Variants in H2BC4 observed in about 807,000 individuals in gnomAD.
H2BC4 encodes histone H2B type 1-C/E/F/G/I.
H2BC4 carries 10 observed loss-of-function variants against 6.2 expected under a neutral mutation model. The observed-to-expected ratio is 1.61, with a 90% CI of 0.99 to 2.73. The LOEUF (loss-of-function observed/expected upper bound fraction) is 2.73. Among genes scored for constraint, H2BC4 ranks in the 30% most tolerant of loss-of-function variants. H2BC4 has a pLI of 0.00. For missense variants in H2BC4, 176 were observed against 168.7 expected (o/e 1.04, Z -0.24); for synonymous variants, 146 against 70.7 (o/e 2.07, Z -5.35).
rs1272699382 is a variant in H2BC4 at position 26,123,887 on chromosome 6, C to G, written c.18G>C (p.Lys6Asn). MPEPA[K>N]SAPAPKKGSK... ...AGCCCTTCTTCGGGGCGGGAGCAGA[C>G]TTGGCTGGCTCAGGCATCTTAAAAC... The change falls in exon 1 of 1, where the codon AAG becomes AAC. Residue 6 changes from lysine to asparagine, a missense_variant. By Grantham distance (94) the Lys-to-Asn change is moderately conservative (BLOSUM62 0). Transcript: ENST00000396984. 1 of 1,613,950 alleles carries G rather than the reference C, an allele frequency of 6.2e-7. No individual in the cohort carries two copies. The highest frequency in any genetic ancestry group is 8.5e-7 in the Non-Finnish European group (1 of 1,180,012).
At chr6:26,115,773 C>T (rs1049883404) in intron 1 of H2BC4, among the ~76,000 whole-genome samples, 2 of 152,096 alleles carry the variant, frequency 1.3e-5, no homozygotes, top group Admixed American at 6.5e-5. Context: ...TTTAAACATG[C>T]AATTTTATTT....
intron 1 of H2BC4, among the ~76,000 whole-genome samples, chr6:26,116,783 T>C (rs1330730091): frequency 2.0e-5 from 3 of 152,166 alleles, no homozygotes; most frequent in Non-Finnish European, 2.9e-5. Context: ...TTCTTAATTA[T>C]AATGAACTCA....
chr6:26,122,532 G>C (rs568794690), downstream of H2BC4, among the ~76,000 whole-genome samples: 3 of 152,294 alleles, frequency 2.0e-5, no homozygotes, highest in African/African-American at 7.2e-5. Flanking sequence ...CAGTTGTCTA[G>C]GAAGGGAGAG....
At chr6:26,123,225 G>A (rs1763532055), downstream of H2BC4, 1 of 452,200 alleles carries the variant, frequency 2.2e-6, no homozygotes, top group East Asian at 4.4e-5. Context: ...ACCTAAGCGA[G>A]CCTGCGGTTT....
At chr6:26,113,829 T>C (rs1763387949), downstream of H2BC4, among the ~76,000 whole-genome samples, 1 of 151,858 alleles carries the variant, frequency 6.6e-6, no homozygotes, top group Non-Finnish European at 1.5e-5. Context: ...ACATAGCCTT[T>C]CCTCAGTATA....
At chr6:26,121,953 T>G (rs1763502033), downstream of H2BC4, among the ~76,000 whole-genome samples, 1 of 150,158 alleles carries the variant, frequency 6.7e-6, no homozygotes, top group African/African-American at 2.5e-5. Flanking sequence ...CTCCGGAGGC[T>G]GAGGCAGGAG....
downstream of H2BC4, among the ~76,000 whole-genome samples, chr6:26,114,579 C>G (rs1336352083): frequency 6.6e-6 from 1 of 151,832 alleles, no homozygotes; most frequent in African/African-American, 2.4e-5. Context: ...TTAGTATTTC[C>G]ACTTCATGAA....
chr6:26,123,848 C>A lies in H2BC4; in HGVS notation c.57G>T (p.Val19=), dbSNP rs757930563. 3 of 1,614,246 alleles carry A rather than the reference C, an allele frequency of 1.9e-6. No homozygotes were observed. Among genetic ancestry groups the A allele is most frequent in the African/African-American group, 1.3e-5 (1 of 75,062 alleles). ...PAPKKGSKKA[V]TKAQKKDGKK... ...TGCCATCTTTCTTCTGCGCTTTGGT[C>A]ACTGCCTTCTTGGAGCCCTTCTTCG... Residue 19 remains valine, a synonymous_variant, in exon 1 of 1, where the codon GTG becomes GTT. Coordinates refer to ENST00000396984, the MANE Select transcript of H2BC4 (RefSeq NM_003526.3).
chr6:26,123,674 C>T lies in H2BC4; in HGVS notation c.231G>A (p.Glu77=), dbSNP rs1309104223. 3 of 1,614,284 alleles carry T rather than the reference C, an allele frequency of 1.9e-6. No homozygotes were observed. In the East Asian group the frequency reaches 6.7e-5, roughly 36 times the overall value. The change falls in exon 1 of 1, where the codon GAG becomes GAA. Residue 77 remains glutamate, a synonymous_variant. Coordinates refer to ENST00000396984, the MANE Select transcript of H2BC4 (RefSeq NM_003526.3). The stretch of plus-strand genomic sequence containing the variant: ...TGTTGTAATGCGCCAGGCGGGAAGC[C>T]TCGCCCGCGATGCGCTCAAATATGT... ...VNDIFERIAG[E]ASRLAHYNKR...
chr6:26,119,969 T>C (rs1247460034), downstream of H2BC4, among the ~76,000 whole-genome samples: 1 of 152,086 alleles, frequency 6.6e-6, no homozygotes, highest in African/African-American at 2.4e-5. Flanking sequence ...ACAGTTAAAC[T>C]TTTTTTCTCT....
chr6:26,123,320 A>T (rs2113799121), downstream of H2BC4: 3 of 924,994 alleles, frequency 3.2e-6, no homozygotes, highest in South Asian at 4.0e-5. Flanking sequence ...AGCCATTTTT[A>T]ATGGCTGGCT....
chr6:26,122,210 C>T (rs1443020763), downstream of H2BC4, among the ~76,000 whole-genome samples: 1 of 152,194 alleles, frequency 6.6e-6, no homozygotes, highest in Non-Finnish European at 1.5e-5. Context: ...CAAAGACAGG[C>T]CTTAGTTTAT....
downstream of H2BC4, among the ~76,000 whole-genome samples, chr6:26,121,497 G>C (rs965749473): frequency 6.6e-6 from 1 of 152,094 alleles, no homozygotes; most frequent in Non-Finnish European, 1.5e-5. Flanking sequence ...ACACTGTCTT[G>C]GTGGAAAATT....
At chr6:26,113,863 CTT>C (rs34825795), downstream of H2BC4, among the ~76,000 whole-genome samples, 441 of 146,652 alleles carry the variant, frequency 3.0e-3, no homozygotes, top group African/African-American at 0.01. Context: ...CTCTCTTCCT[CTT>C]TTTTTTTTTT....
At chr6:26,115,001 T>A (rs1036266953) in exon 2 of H2BC4, 1 of 152,206 alleles carries the variant, frequency 6.6e-6, no homozygotes, top group Non-Finnish European at 1.5e-5. Context: ...TCATTTGTCC[T>A]TCTTTGATTG....
At position 26,123,707 on chromosome 6, in the gene H2BC4, G is replaced by A. The variant is rs760597993; in HGVS notation, c.198C>T (p.Phe66=). 5.6e-6 allele frequency: 9 copies of A among 1,614,150 alleles called. No homozygotes were observed. Among genetic ancestry groups the A allele is most frequent in the East Asian group, 4.5e-5 (2 of 44,894 alleles). ...SSKAMGIMNS[F]VNDIFERIAG... is the part of the protein sequence containing the mutation. ...CGATGCGCTCAAATATGTCGTTAAC[G>A]AAAGAATTCATGATGCCCATGGCCT... Residue 66 remains phenylalanine (F), a synonymous_variant, in exon 1 of 1, where the codon TTC becomes TTT. Transcript: ENST00000396984.
intron 1 of H2BC4, among the ~76,000 whole-genome samples, chr6:26,116,820 T>A (rs1056315792): frequency 6.6e-6 from 1 of 152,204 alleles, no homozygotes; most frequent in African/African-American, 2.4e-5. Context: ...GTCAAACTGA[T>A]CTTCAGACCC....
rs748652014 is a variant in H2BC4 at position 26,123,617 on chromosome 6, C to T, written c.288G>A (p.Gln96=). The T allele has an allele frequency of 8.9e-5, 144 of 1,614,142 alleles. No individual in the cohort carries two copies. Among genetic ancestry groups the T allele is most frequent in the Non-Finnish European group, 1.1e-4 (132 of 1,180,046 alleles). Residue 96 remains glutamine (Q), a synonymous_variant, in exon 1 of 1, where the codon CAG becomes CAA. Coordinates refer to ENST00000396984, the MANE Select transcript of H2BC4 (RefSeq NM_003526.3). ...CGGGAAGCAGCAGGCGCACGGCCGT[C>T]TGGATCTCCCTGGAGGTGATGGTCG... ...KRSTITSREI[Q]TAVRLLLPGE...
chr6:26,113,770 G>A (rs1181573896), downstream of H2BC4, among the ~76,000 whole-genome samples: 2 of 152,064 alleles, frequency 1.3e-5, no homozygotes, highest in East Asian at 3.8e-4. Context: ...ATTCTGTTGA[G>A]GGCTCTCTTG....
Sources: allele counts gnomAD v4.1 joint callset (sites outside exome capture counted in the v4.1 genomes callset), GRCh38; gene constraint gnomAD v4.1.1; transcripts MANE v1.5; gene names NCBI Gene and HGNC (gene_info 2026-07-23, HGNC 2026-07-21).